The following RANBP2 variants were observed in gnomAD, a reference collection of about 807,000 sequenced individuals.
RANBP2 encodes the protein E3 SUMO-protein ligase RanBP2.
In RANBP2, 57 loss-of-function variants were observed where a neutral mutation model predicts 303.6. The observed-to-expected ratio is 0.19, with a 90% CI of 0.15 to 0.23. The LOEUF is 0.23. RANBP2 is among the 10% of genes least tolerant of loss of function. The pLI is 1.00. For synonymous variants in RANBP2, 1,167 were observed against 1,301.5 expected, an observed-to-expected ratio of 0.90 and a Z score of 2.23; for missense variants, 3,138 against 3,780.8, an observed-to-expected ratio of 0.83 and a Z score of 4.46.
the RANBP2 span, among the ~76,000 whole-genome samples, chr2:109,310,695 C>A: frequency 1.5e-5 from 1 of 64,528 alleles, no homozygotes; most frequent in Non-Finnish European, 2.5e-5. Context: ...AAACTACCAT[C>A]AGAGAATACT....
At chr2:108,885,160 AC>A in the RANBP2 span, 22 of 151,956 alleles carry the variant, frequency 1.4e-4, no homozygotes, top group African/African-American at 5.1e-4. Context: ...ACCCACCTTT[AC>A]CCGCCCCCAA....
chr2:108,914,882 C>T, the RANBP2 span, among the ~76,000 whole-genome samples: 1 of 152,174 alleles, frequency 6.6e-6, no homozygotes, highest in East Asian at 1.9e-4. Context: ...TGCAGCAAGG[C>T]TTCCGGGAGA....
chr2:109,675,005 T>C, the RANBP2 span, among the ~76,000 whole-genome samples: 2 of 152,296 alleles, frequency 1.3e-5, no homozygotes, highest in Admixed American at 6.5e-5. Context: ...GGTTTCTCTC[T>C]GTCACCGAGG....
At chr2:108,897,254 A>G in the RANBP2 span, 2 of 1,597,580 alleles carry the variant, frequency 1.3e-6, no homozygotes, top group African/African-American at 2.7e-5. Flanking sequence ...GGCCACAGTT[A>G]GATGTTGCAA....
intron 17 of RANBP2, among the ~76,000 whole-genome samples, chr2:108,755,694 A>G (rs1199307855): frequency 6.6e-6 from 1 of 151,740 alleles, no homozygotes; most frequent in Non-Finnish European, 1.5e-5. Context: ...TGCCCAGCCT[A>G]CATACCTCGG....
chr2:108,810,823 CTT>C, the RANBP2 span, among the ~76,000 whole-genome samples: 1 of 152,132 alleles, frequency 6.6e-6, no homozygotes, highest in Non-Finnish European at 1.5e-5. Flanking sequence ...TCGGGCTTTT[CTT>C]TGTTGGGAAA....
In RANBP2 at chr2:108,748,911, T is replaced by G. The variant is rs1385609057; in HGVS notation, c.1064-9T>G. ...AAAGTGATGGAAATAACTTAAATTT[T>G]TTTTTCAGGGCACATGTTGCTAAAC... is the stretch of plus-strand genomic sequence containing the variant. On this transcript the variant is annotated splice_polypyrimidine_tract_variant and intron_variant, in intron 8 of 28. Transcript: ENST00000283195. 2 of 1,612,014 alleles carry G rather than the reference T, an allele frequency of 1.2e-6. No homozygotes were observed. The highest frequency in any genetic ancestry group is 1.1e-5 in the South Asian group (1 of 90,994).
chr2:109,104,086 T>G, the RANBP2 span, among the ~76,000 whole-genome samples: 144,629 of 152,134 alleles, frequency 0.95, 69,147 homozygotes, highest in Non-Finnish European at 1. Context: ...GAGCCACCAT[T>G]TCGGCGAAGA....
chr2:109,102,993 G>C, the RANBP2 span, among the ~76,000 whole-genome samples: 1 of 152,178 alleles, frequency 6.6e-6, no homozygotes, highest in Admixed American at 6.5e-5. Flanking sequence ...TTAGTAAAGG[G>C]AAGGAGCAAG....
the RANBP2 span, among the ~76,000 whole-genome samples, chr2:108,858,459 C>G: frequency 6.6e-6 from 1 of 152,040 alleles, no homozygotes; most frequent in Non-Finnish European, 1.5e-5. Context: ...TTTAGTGATG[C>G]GAAAATTTTG....
chr2:108,873,066 CTTTGA>C, the RANBP2 span, among the ~76,000 whole-genome samples: 1 of 151,892 alleles, frequency 6.6e-6, no homozygotes, highest in South Asian at 2.1e-4. Context: ...TTTGGAGGCT[CTTTGA>C]TTTGTTTTTT....
the RANBP2 span, among the ~76,000 whole-genome samples, chr2:109,171,299 T>G: frequency 6.6e-6 from 1 of 152,242 alleles, no homozygotes; most frequent in African/African-American, 2.4e-5. Context: ...TTTATTTCCT[T>G]GTCATATCTA....
intron 7 of RANBP2, among the ~76,000 whole-genome samples, chr2:108,745,515 C>A (rs1696432828): frequency 6.6e-6 from 1 of 150,388 alleles, no homozygotes; most frequent in East Asian, 1.9e-4. Flanking sequence ...CTTGTTTCTT[C>A]TTTTGATGAT....
intron 1 of RANBP2, among the ~76,000 whole-genome samples, chr2:108,722,629 A>C (rs1694358131): frequency 7.8e-6 from 1 of 127,408 alleles, no homozygotes; most frequent in Admixed American, 7.1e-5. Context: ...CTACTCCCTC[A>C]CATGTGCTTT....
At chr2:108,771,028 A>G (rs1677460690) in intron 20 of RANBP2, among the ~76,000 whole-genome samples, 3 of 152,122 alleles carry the variant, frequency 2.0e-5, no homozygotes, top group Middle Eastern at 3.2e-3. Flanking sequence ...GGTTGCATAT[A>G]GAAGTTTTTT....
the RANBP2 span, among the ~76,000 whole-genome samples, chr2:108,799,436 T>TA: frequency 6.6e-6 from 1 of 152,220 alleles, no homozygotes; most frequent in Non-Finnish European, 1.5e-5. Flanking sequence ...GCAGTTCCCT[T>TA]ACGCTCTCTT....
At chr2:109,130,087 A>G in the RANBP2 span, 1 of 1,355,832 alleles carries the variant, frequency 7.4e-7, no homozygotes, top group Non-Finnish European at 9.5e-7. Context: ...GGAGCTGGCG[A>G]CCAGCAGGAC....
the RANBP2 span, chr2:109,593,051 T>A: frequency 6.3e-7 from 1 of 1,582,676 alleles, no homozygotes; most frequent in South Asian, 1.2e-5. Flanking sequence ...ACATACTCAC[T>A]ATCTGTTCAT....
intron 4 of RANBP2, among the ~76,000 whole-genome samples, chr2:108,734,283 A>C (rs1417203476): frequency 4.6e-5 from 7 of 152,102 alleles, no homozygotes; most frequent in African/African-American, 1.7e-4. Flanking sequence ...CTAGGTTATA[A>C]GTTGAAAGTG....
Sources: allele counts gnomAD v4.1 joint callset (sites outside exome capture counted in the v4.1 genomes callset), GRCh38; gene constraint gnomAD v4.1.1; transcripts MANE v1.5; gene names NCBI Gene and HGNC (gene_info 2026-07-23, HGNC 2026-07-21).